IRGQ: variants seen among roughly 807,000 people sequenced by gnomAD.
IRGQ encodes immunity-related GTPase family Q protein.
A neutral mutation model predicts 10.5 loss-of-function variants in IRGQ; 5 were observed. That is an observed-to-expected ratio of 0.48 (90% CI 0.25 to 1.00). IRGQ has a LOEUF of 1.00. IRGQ is among the 50% of genes least tolerant of loss of function. The pLI, the probability that IRGQ is intolerant of heterozygous loss-of-function variation, is 0.16. For missense variants in IRGQ, 792 were observed against 877.7 expected (o/e 0.90, Z 1.23); for synonymous variants, 418 against 426.0 (o/e 0.98, Z 0.23).
Position 43,590,818 on chromosome 19 carries a change from C to G in IRGQ, c.*1208G>C, listed in dbSNP as rs1278827927. ...TTGCTCAGCACCTAGAAGATGAAGG[C>G]AGTCATATCCCTTCCCAGTCACACT... On this transcript the variant is annotated 3_prime_UTR_variant, in exon 3 of 3. Coordinates refer to ENST00000422989, the MANE Select transcript of IRGQ (RefSeq NM_001007561.3). 1 of 152,230 alleles carries G rather than the reference C, an allele frequency of 6.6e-6. No homozygotes were observed. Among genetic ancestry groups the G allele is most frequent in the East Asian group, 1.9e-4 (1 of 5,196 alleles). 9.4% of individuals were successfully genotyped at this position (152,230 alleles called of 1,614,324 possible). A position where few individuals can be genotyped will look rare whatever the true frequency, so the allele number is the denominator to read the frequency against.
chr19:43,592,819 C>T lies in IRGQ; in HGVS notation c.1079G>A (p.Gly360Glu), dbSNP rs1484436949. The T allele has an allele frequency of 1.9e-6, 3 of 1,614,088 alleles. No homozygotes were observed. The highest frequency in any genetic ancestry group is 2.5e-6 in the Non-Finnish European group (3 of 1,180,048). Residue 360 changes from glycine to glutamate, a missense_variant, in exon 3 of 3, where the codon GGG (glycine) becomes GAG (glutamate). Physicochemically the swap from Gly to Glu is moderately conservative, Grantham distance 98. Transcript: ENST00000422989. ...KGESLKNAGG[G>E]GLENALSKGR... Reference sequence around the variant, plus strand: ...CTTACTGAGTGCATTCTCCAATCCCCCTCCACCTGCGTTCTTTAAGCTCTC... The same window carrying T: ...CTTACTGAGTGCATTCTCCAATCCCTCTCCACCTGCGTTCTTTAAGCTCTC...
At position 43,586,954 on chromosome 19, in the gene IRGQ, C is replaced by T. The variant is rs1973001266; in HGVS notation, c.*5072G>A. On this transcript the variant is annotated 3_prime_UTR_variant, in exon 3 of 3. Transcript: ENST00000422989. ...TACCTTCCCTGTCCAATACCATAGC[C>T]ACTAATCACATGTGGCTACTCAGTA... 6.6e-6 allele frequency: 1 copy of T among 152,198 alleles called. No homozygotes were observed. Among genetic ancestry groups the T allele is most frequent in the South Asian group, 2.1e-4 (1 of 4,828 alleles). The allele number at this position is 152,198 out of a possible 1,614,324, so 9.4% of individuals were successfully genotyped here.
Position 43,592,662 on chromosome 19 carries a change from A to C in IRGQ, c.1236T>G (p.Ala412=). Residue 412 remains alanine, a synonymous_variant, in exon 3 of 3, where the codon GCT becomes GCG. Coordinates refer to ENST00000422989, the MANE Select transcript of IRGQ (RefSeq NM_001007561.3). ...ACGTCTCGTCCTCCGGGCTTAACGC[A>C]GCGGCCCGCTCTGAGTCGCCACCAC... The part of the protein sequence containing the change: ...KSGGGDSERA[A]ALSPEDETWE... 4 of 1,605,694 alleles carry C rather than the reference A, an allele frequency of 2.5e-6. No individual in the cohort carries two copies. Among genetic ancestry groups the C allele is most frequent in the Non-Finnish European group, 3.4e-6 (4 of 1,179,938 alleles).
rs1279856423 is a variant in IRGQ, at chr19:43,592,551, C to T, written c.1347G>A (p.Ala449=). The part of the protein sequence containing the change: ...LPGLCEWLRR[A]LPPAQAGALL... ...GTGCCCCTGCCTGGGCTGGGGGGAG[C>T]GCTCGCCGCAGCCATTCGCATAGCC... The change falls in exon 3 of 3, where the codon GCG becomes GCA. Residue 449 remains alanine, a synonymous_variant. Coordinates refer to ENST00000422989, the MANE Select transcript of IRGQ (RefSeq NM_001007561.3). 1 of 1,596,828 alleles carries T rather than the reference C, an allele frequency of 6.3e-7. No individual in the cohort carries two copies. The highest frequency in any genetic ancestry group is 8.5e-7 in the Non-Finnish European group (1 of 1,178,502).
rs374779247 is a variant in IRGQ, at chr19:43,595,463, A to G, written c.-2-123T>C. On this transcript the variant is annotated intron_variant, in intron 1 of 2. Transcript: ENST00000422989. ...CTGTCCCCTTCGGTTCTTGAGTGTCACTCTCCAGGACCTAAAAAATCCAGA... is the reference window on the plus strand; with the variant it reads ...CTGTCCCCTTCGGTTCTTGAGTGTCGCTCTCCAGGACCTAAAAAATCCAGA... 7.6e-5 allele frequency: 62 copies of G among 818,934 alleles called. 1 individual carries two copies. In the African/African-American group the frequency reaches 1.1e-3, roughly 14 times the overall value. 50.7% of individuals were successfully genotyped at this position (818,934 alleles called of 1,614,324 possible). A position where few individuals can be genotyped will look rare whatever the true frequency, so the allele number is the denominator to read the frequency against.
In IRGQ at chr19:43,586,649, G is replaced by A. The variant is rs1317769760; in HGVS notation, c.*5377C>T. On this transcript the variant is annotated 3_prime_UTR_variant, in exon 3 of 3. Coordinates refer to ENST00000422989, the MANE Select transcript of IRGQ (RefSeq NM_001007561.3). ...AGCACACTCCGAGCAAAGGCATGGG[G>A]GTGAGACAAAGGCACCCAGACTAGA... 6.6e-6 allele frequency: 1 copy of A among 152,232 alleles called. No homozygotes were observed. Among genetic ancestry groups the A allele is most frequent in the Non-Finnish European group, 1.5e-5 (1 of 68,056 alleles). The allele number at this position is 152,232 out of a possible 1,614,324, so 9.4% of individuals were successfully genotyped here. A position where few individuals can be genotyped will look rare whatever the true frequency, so the allele number is the denominator to read the frequency against.
rs1440711548 is a variant in IRGQ at position 43,592,401 on chromosome 19, C to T, written c.1497G>A (p.Gly499=). The change falls in exon 3 of 3, where the codon GGG becomes GGA. Residue 499 remains glycine, a synonymous_variant. Transcript: ENST00000422989. ...GTGCCACGTCGCATGCCCAGCCCAG[C>T]CCTGGGAGTGGTGCCGCCGCCGCCG... ...SLAAAAAPLP[G]LGWACDVALL... 1.3e-6 allele frequency: 2 copies of T among 1,577,018 alleles called. No individual in the cohort carries two copies. The highest frequency in any genetic ancestry group is 1.7e-5 in the Admixed American group (1 of 57,782).
rs553066545 is a variant in IRGQ at position 43,592,587 on chromosome 19, G to A, written c.1311C>T (p.Gly437=). Residue 437 remains glycine (G), a synonymous_variant, in exon 3 of 3, where the codon GGC becomes GGT. Transcript: ENST00000422989. ...APPPVFPLRP[G]GLPGLCEWLR... ...GCCATTCGCATAGCCCTGGGAGTCC[G>A]CCAGGCCGTAGGGGGAACACTGGCG... 6.2e-7 allele frequency: 1 copy of A among 1,600,068 alleles called. No individual in the cohort carries two copies. Among genetic ancestry groups the A allele is most frequent in the Non-Finnish European group, 8.5e-7 (1 of 1,179,752 alleles).
Position 43,593,457 on chromosome 19 carries a change from A to G in IRGQ, c.531-90T>C. 1 of 1,314,256 alleles carries G rather than the reference A, an allele frequency of 7.6e-7. No individual in the cohort carries two copies. Among genetic ancestry groups the G allele is most frequent in the Non-Finnish European group, 1.0e-6 (1 of 997,380 alleles). The allele number at this position is 1,314,256 out of a possible 1,614,324, so 81.4% of individuals were successfully genotyped here. On this transcript the variant is annotated intron_variant, in intron 2 of 2. Transcript: ENST00000422989. The surrounding 1 kb of genome is among the most constrained non-coding windows in gnomAD (Gnocchi z 6.4). ...TGATGACAAGGGCAGAGCTTTCCTAATGATCCCAGAATGGGGCAGGGGTAG... is the reference window on the plus strand; with the variant it reads ...TGATGACAAGGGCAGAGCTTTCCTAGTGATCCCAGAATGGGGCAGGGGTAG...
Position 43,594,905 on chromosome 19 carries a change from A to C in IRGQ, c.434T>G (p.Leu145Arg). The part of the protein sequence containing the change: ...LNSAGLGAAD[L>R]FVLPANCGSS... ...GCCGCAGTTCGCCGGTAGCACAAACAGATCCGCAGCTCCTAACCCCGCGCT... is the reference window on the plus strand; with the variant it reads ...GCCGCAGTTCGCCGGTAGCACAAACCGATCCGCAGCTCCTAACCCCGCGCT... Residue 145 changes from leucine to arginine, a missense_variant, in exon 2 of 3, where the codon CTG becomes CGG. Transcript: ENST00000422989. 6.2e-7 allele frequency: 1 copy of C among 1,614,004 alleles called. No homozygotes were observed.
In IRGQ at chr19:43,592,551, C is replaced by G. The variant is rs1279856423; in HGVS notation, c.1347G>C (p.Ala449=). 1 of 1,596,828 alleles carries G rather than the reference C, an allele frequency of 6.3e-7. No homozygotes were observed. Among genetic ancestry groups the G allele is most frequent in the South Asian group, 1.1e-5 (1 of 90,920 alleles). Residue 449 remains alanine, a synonymous_variant, in exon 3 of 3, where the codon GCG becomes GCC. Transcript: ENST00000422989. The part of the protein sequence containing the change: ...LPGLCEWLRR[A]LPPAQAGALL... The stretch of plus-strand genomic sequence containing the variant: ...GTGCCCCTGCCTGGGCTGGGGGGAG[C>G]GCTCGCCGCAGCCATTCGCATAGCC...
Position 43,588,827 on chromosome 19 carries a change from G to A in IRGQ, c.*3199C>T, listed in dbSNP as rs1488693629. The A allele has an allele frequency of 6.6e-6, 1 of 152,274 alleles. No homozygotes were observed. The highest frequency in any genetic ancestry group is 1.5e-5 in the Non-Finnish European group (1 of 68,050). The allele number at this position is 152,274 out of a possible 1,614,324, so 9.4% of individuals were successfully genotyped here. On this transcript the variant is annotated 3_prime_UTR_variant, in exon 3 of 3. Transcript: ENST00000422989. ...CACGTGGCTGACATGCCTGATTGCA[G>A]GGCTTAGACACTAATATGATGGGGT...
Position 43,592,670 on chromosome 19 carries a change from G to T in IRGQ, c.1228C>A (p.Arg410=), listed in dbSNP as rs965499629. Residue 410 remains arginine (R), a synonymous_variant, in exon 3 of 3, where the codon CGG becomes AGG. Transcript: ENST00000422989. ...TCCTCCGGGCTTAACGCAGCGGCCC[G>T]CTCTGAGTCGCCACCACCTGATTTC... ...MKKSGGGDSE[R]AAALSPEDET... is the part of the protein sequence containing the mutation. The T allele has an allele frequency of 3.1e-6, 5 of 1,606,348 alleles. No individual in the cohort carries two copies. The African/African-American group carries it at 5.3e-5, about 17-fold the overall frequency.
Position 43,593,211 on chromosome 19 carries a change from C to T in IRGQ, c.687G>A (p.Val229=). 1.9e-6 allele frequency: 3 copies of T among 1,576,676 alleles called. No individual in the cohort carries two copies. The highest frequency in any genetic ancestry group is 2.6e-6 in the Non-Finnish European group (3 of 1,158,580). The part of the protein sequence containing the change: ...RLGSARLDLA[V]AGKADVGLVV... The stretch of plus-strand genomic sequence containing the variant: ...CAAGGCCCACGTCAGCCTTGCCAGC[C>T]ACGGCCAGGTCTAGCCGTGCGCTGC... Residue 229 remains valine, a synonymous_variant, in exon 3 of 3, where the codon GTG becomes GTA. Coordinates refer to ENST00000422989, the MANE Select transcript of IRGQ (RefSeq NM_001007561.3). The surrounding 1 kb of genome is among the most constrained non-coding windows in gnomAD (Gnocchi z 6.4).
chr19:43,594,748 TG>T, intron 2 of IRGQ, 60 bp downstream of exon 2: 1 of 1,455,482 alleles, frequency 6.9e-7, no homozygotes, highest in Non-Finnish European at 9.3e-7. Context: ...TGGACCTCCA[TG>T]GTCGCACCTA....
rs1973091315 is a variant in IRGQ, at chr19:43,593,594, G to A, written c.531-227C>T. On this transcript the variant is annotated intron_variant, in intron 2 of 2. Coordinates refer to ENST00000422989, the MANE Select transcript of IRGQ (RefSeq NM_001007561.3). The surrounding 1 kb of genome is among the most constrained non-coding windows in gnomAD (Gnocchi z 6.4). The stretch of plus-strand genomic sequence containing the variant: ...ATGGAGTCTTGATTATTGGACGGGT[G>A]GACATAAGGTCAGGTTTCCCACCCC... Among the ~76,000 whole-genome samples, 1 of 152,186 alleles carries A rather than the reference G, an allele frequency of 6.6e-6. No individual in the cohort carries two copies. Among genetic ancestry groups the A allele is most frequent in the Admixed American group, 6.5e-5 (1 of 15,276 alleles).
Position 43,593,816 on chromosome 19 carries a change from G to A in IRGQ, c.531-449C>T, listed in dbSNP as rs190561184. On this transcript the variant is annotated intron_variant, in intron 2 of 2. Transcript: ENST00000422989. The surrounding 1 kb of genome is among the most constrained non-coding windows in gnomAD (Gnocchi z 6.4). ...AGGTCCCCAAGGGCACTCTTTTCAG[G>A]GGCTGGGCCTAAGGAGGGTCAGTGA... 1.5e-3 allele frequency among the ~76,000 whole-genome samples: 221 copies of A among 152,280 alleles called. No homozygotes were observed. The highest frequency in any genetic ancestry group is 5.1e-3 in the African/African-American group (210 of 41,550).
rs1008346461 is a variant in IRGQ, at chr19:43,592,836, T to C, written c.1062A>G (p.Leu354=). ...GKMENPKGES[L]KNAGGGGLEN... ...CCAATCCCCCTCCACCTGCGTTCTTTAAGCTCTCGCCCTTGGGATTCTCCA... is the reference window on the plus strand; with the variant it reads ...CCAATCCCCCTCCACCTGCGTTCTTCAAGCTCTCGCCCTTGGGATTCTCCA... The change falls in exon 3 of 3, where the codon TTA becomes TTG. Residue 354 remains leucine (L), a synonymous_variant. Coordinates refer to ENST00000422989, the MANE Select transcript of IRGQ (RefSeq NM_001007561.3). 1.2e-6 allele frequency: 2 copies of C among 1,613,956 alleles called. No homozygotes were observed. The highest frequency in any genetic ancestry group is 1.7e-5 in the Admixed American group (1 of 60,008).
At position 43,592,147 on chromosome 19, in the gene IRGQ, C is replaced by G. The variant is rs1242665886; in HGVS notation, c.1751G>C (p.Gly584Ala). The G allele has an allele frequency of 5.0e-6, 8 of 1,609,974 alleles. No individual in the cohort carries two copies. Among genetic ancestry groups the G allele is most frequent in the Non-Finnish European group, 6.8e-6 (8 of 1,179,658 alleles). The change falls in exon 3 of 3, where the codon GGT becomes GCT. Residue 584 changes from glycine (G) to alanine (A), a missense_variant. Transcript: ENST00000422989. ...LGALSFLWPA[G>A]GAAATGGLGY... ...CAGGCCACCTGTCGCCGCTGCACCACCCGCAGGCCACAGGAAGGAGAGAGC... is the reference window on the plus strand; with the variant it reads ...CAGGCCACCTGTCGCCGCTGCACCAGCCGCAGGCCACAGGAAGGAGAGAGC...
Sources: gnomAD v4.1 joint callset for allele counts (sites outside exome capture counted in the v4.1 genomes callset) on GRCh38, gnomAD v4.1.1 for gene constraint, Gnocchi (gnomAD v3.1) non-coding constraint, MANE v1.5 for transcripts, NCBI Gene and HGNC (gene_info 2026-07-23, HGNC 2026-07-21) for gene names.